TRMT44: variants seen among roughly 807,000 people sequenced by gnomAD.
TRMT44 encodes probable tRNA (uracil-O(2)-)-methyltransferase.
TRMT44 carries 78 observed loss-of-function variants against 77.3 expected under a neutral mutation model. That is an observed-to-expected ratio of 1.01 (90% CI 0.84 to 1.22). The LOEUF is 1.22. Among genes scored for constraint, TRMT44 ranks in the 50% most tolerant of loss-of-function variants. The pLI, the probability that TRMT44 is intolerant of heterozygous loss-of-function variation, is 0.00. For synonymous variants in TRMT44, 391 were observed against 383.3 expected (o/e 1.02, Z -0.23); for missense variants, 1,090 against 964.4 (o/e 1.13, Z -1.73).
chr4:8,486,486 A>G (rs1456791592), intron 2 of TRMT44, among the ~76,000 whole-genome samples: 1 of 151,774 alleles, frequency 6.6e-6, no homozygotes, highest in Non-Finnish European at 1.5e-5. Flanking sequence ...ATTGGATTTT[A>G]TTTATTTGGA....
At chr4:8,502,682 C>T in the TRMT44 span, among the ~76,000 whole-genome samples, 1 of 152,310 alleles carries the variant, frequency 6.6e-6, no homozygotes, top group Non-Finnish European at 1.5e-5. Context: ...GGCCACAGGC[C>T]CTCTCCCAGG....
chr4:8,449,949 C>CTTTTTTTTTTTTTTTTT (rs745915221), intron 3 of TRMT44, 61 bp downstream of exon 3: 18 of 239,152 alleles, frequency 7.5e-5, no homozygotes, highest in East Asian at 2.7e-4. Context: ...CTTTTCTTTT[C>CTTTTTTTTTTTTTTTTT]TTTTTTTTTT....
intron 2 of TRMT44, among the ~76,000 whole-genome samples, chr4:8,492,918 C>G (rs368310243): frequency 3.9e-5 from 6 of 152,170 alleles, no homozygotes; most frequent in African/African-American, 1.4e-4. Flanking sequence ...ATGTATAAAA[C>G]CAAGCTGTGC....
intron 2 of TRMT44, among the ~76,000 whole-genome samples, chr4:8,489,651 T>G (rs1727931621): frequency 6.6e-6 from 1 of 152,138 alleles, no homozygotes; most frequent in African/African-American, 2.4e-5. Context: ...TAATTTTTTG[T>G]ATTTTTAGTA....
chr4:8,479,779 CTAACT>C (rs1207382770), downstream of TRMT44, among the ~76,000 whole-genome samples: 1 of 152,192 alleles, frequency 6.6e-6, no homozygotes, highest in Non-Finnish European at 1.5e-5. Flanking sequence ...GAGCTTTTTT[CTAACT>C]TGTTAATTTT....
At chr4:8,445,884 T>G (rs1560218827) in intron 1 of TRMT44, among the ~76,000 whole-genome samples, 2 of 152,326 alleles carry the variant, frequency 1.3e-5, no homozygotes, top group East Asian at 1.9e-4. Context: ...ATTTTAGAGA[T>G]AGAACTTTAT....
chr4:8,498,052 G>A (rs1728200732), downstream of TRMT44, among the ~76,000 whole-genome samples: 1 of 152,226 alleles, frequency 6.6e-6, no homozygotes, highest in Non-Finnish European at 1.5e-5. This position sits in a 1 kb window ranked among gnomAD's most constrained non-coding sequence, Gnocchi z 4.3. Context: ...ACCCACTCCA[G>A]TGCAAATCAG....
Position 8,482,884 on chromosome 4 carries a change from G to C in TRMT44, n.3891+3351G>C, listed in dbSNP as rs1222921251. 2.8e-5 allele frequency among the ~76,000 whole-genome samples: 4 copies of C among 140,568 alleles called. No homozygotes were observed. In the East Asian group the frequency reaches 7.1e-4, roughly 25 times the overall value. The allele number at this position is 140,568 out of a possible 152,430, so 92.2% of individuals were successfully genotyped here. On this transcript the variant is annotated intron_variant and non_coding_transcript_variant, in intron 2 of 2. Transcript: ENST00000511366. ...ATAATAAGAAAAATAAAATAGTGTT[G>C]AAGTGTGGGGGCGGCAAAAATTTTG...
chr4:8,516,382 G>A, the TRMT44 span, among the ~76,000 whole-genome samples: 1 of 152,176 alleles, frequency 6.6e-6, no homozygotes, highest in Non-Finnish European at 1.5e-5. Context: ...ACTCGCCCAA[G>A]AACATGGTCC....
chr4:8,441,219 A>G lies in TRMT44; in HGVS notation c.397A>G (p.Arg133Gly). 6.5e-7 allele frequency: 1 copy of G among 1,535,438 alleles called. No individual in the cohort carries two copies. The highest frequency in any genetic ancestry group is 8.7e-7 in the Non-Finnish European group (1 of 1,146,498). The change falls in exon 1 of 11, where the codon AGG (arginine) becomes GGG (glycine). Residue 133 changes from arginine (R) to glycine (G), a missense_variant. Physicochemically the swap from Arg to Gly is moderately radical, Grantham distance 125. Coordinates refer to ENST00000389737, the MANE Select transcript of TRMT44 (RefSeq NM_152544.3). ...DSGHPGHAEG[R>G]EGDFPAADLD... ...CGGGCACCCCGGCCATGCTGAAGGA[A>G]GGGAGGGCGACTTCCCCGCCGCAGA... is the stretch of plus-strand genomic sequence containing the variant.
At chr4:8,485,504 G>C (rs566386636) in intron 2 of TRMT44, among the ~76,000 whole-genome samples, 2 of 152,302 alleles carry the variant, frequency 1.3e-5, no homozygotes, top group African/African-American at 2.4e-5. Context: ...CTTTTAAAGC[G>C]TGCTGTGGGA....
intron 2 of TRMT44, among the ~76,000 whole-genome samples, chr4:8,488,336 C>G (rs1402807596): frequency 1.3e-5 from 2 of 152,162 alleles, no homozygotes; most frequent in East Asian, 3.9e-4. Context: ...CACCTGGGTG[C>G]AGGTGGGCTG....
In TRMT44 at chr4:8,471,119, G is replaced by T. The variant is rs375450341; in HGVS notation, c.1963G>T (p.Asp655Tyr). Residue 655 changes from aspartate (D) to tyrosine (Y), a missense_variant, in exon 10 of 11, where the codon GAC (aspartate) becomes TAC (tyrosine). Physicochemically the swap from Asp to Tyr is radical, Grantham distance 160. Coordinates refer to ENST00000389737, the MANE Select transcript of TRMT44 (RefSeq NM_152544.3). Reference sequence around the variant, plus strand: ...TCTGGCAGAAGTAGCCAACGAGCTGGACACGGAGACCCTGCGGAGGCTGAA... The same window carrying T: ...TCTGGCAGAAGTAGCCAACGAGCTGTACACGGAGACCCTGCGGAGGCTGAA... The part of the protein sequence containing the change: ...LSLAEVANEL[D>Y]TETLRRLKRE... 1.9e-6 allele frequency: 3 copies of T among 1,608,008 alleles called. No homozygotes were observed. Among genetic ancestry groups the T allele is most frequent in the African/African-American group, 2.7e-5 (2 of 74,420 alleles).
chr4:8,501,762 G>A, the TRMT44 span, among the ~76,000 whole-genome samples: 1 of 152,102 alleles, frequency 6.6e-6, no homozygotes, highest in African/African-American at 2.4e-5. The surrounding 1 kb of genome is among the most constrained non-coding windows in gnomAD (Gnocchi z 4.4). Context: ...GGGGCCCTCA[G>A]TGACTGGAGT....
Position 8,450,624 on chromosome 4 carries a change from C to T in TRMT44, c.954+736C>T, listed in dbSNP as rs527783822. Among the ~76,000 whole-genome samples the T allele has an allele frequency of 5.9e-5, 9 of 152,172 alleles. No homozygotes were observed. The South Asian group carries it at 8.3e-4, about 14-fold the overall frequency. On this transcript the variant is annotated intron_variant, in intron 3 of 10. Transcript: ENST00000389737. ...AGTATAACAAGAAACATCTGTGTTGCGGGAAGTCAGGGACCCCGAATTGGG... is the reference window on the plus strand; with the variant it reads ...AGTATAACAAGAAACATCTGTGTTGTGGGAAGTCAGGGACCCCGAATTGGG...
intron 3 of TRMT44, among the ~76,000 whole-genome samples, chr4:8,450,299 C>G (rs1369727364): frequency 6.6e-6 from 1 of 151,880 alleles, no homozygotes; most frequent in African/African-American, 2.4e-5. Context: ...TTTCCTGTTG[C>G]AGGCTGTACT....
chr4:8,440,862 G>C lies in TRMT44; in HGVS notation c.40G>C (p.Ala14Pro), dbSNP rs1452509256. ...VGRTGISYPG[A>P]LLPQGFWAAV... ...CCGTACCGGGATCAGCTACCCAGGCGCGCTTCTCCCACAGGGCTTCTGGGC... is the reference window on the plus strand; with the variant it reads ...CCGTACCGGGATCAGCTACCCAGGCCCGCTTCTCCCACAGGGCTTCTGGGC... The change falls in exon 1 of 11, where the codon GCG (alanine) becomes CCG (proline). Residue 14 changes from alanine to proline, a missense_variant. Transcript: ENST00000389737. 6.6e-7 allele frequency: 1 copy of C among 1,518,464 alleles called. No individual in the cohort carries two copies. The allele number at this position is 1,518,464 out of a possible 1,614,324, so 94.1% of individuals were successfully genotyped here.
chr4:8,473,800 C>G (rs1727186172), intron 10 of TRMT44, among the ~76,000 whole-genome samples: 1 of 152,168 alleles, frequency 6.6e-6, no homozygotes, highest in Non-Finnish European at 1.5e-5. Context: ...GAAGGCCGCC[C>G]CTTCTGGCAC....
At chr4:8,499,393 C>T in the TRMT44 span, among the ~76,000 whole-genome samples, 134 of 152,304 alleles carry the variant, frequency 8.8e-4, 1 homozygote, top group African/African-American at 3.2e-3. Context: ...CAAACCCTTT[C>T]CAGGAATTGT....
Sources: gnomAD v4.1 joint callset for allele counts (sites outside exome capture counted in the v4.1 genomes callset) on GRCh38, gnomAD v4.1.1 for gene constraint, Gnocchi (gnomAD v3.1) non-coding constraint, MANE v1.5 for transcripts, NCBI Gene and HGNC (gene_info 2026-07-23, HGNC 2026-07-21) for gene names.